The following MMP16 variants were observed in gnomAD, a reference collection of about 807,000 sequenced individuals.
The protein encoded by MMP16 is matrix metalloproteinase-16.
In MMP16, 12 loss-of-function variants were observed where a neutral mutation model predicts 67.8. The observed-to-expected ratio is 0.18, with a 90% confidence interval of 0.11 to 0.29. MMP16 has a LOEUF of 0.29. MMP16 is among the 10% of genes least tolerant of loss of function. The pLI is 1.00. For synonymous variants in MMP16, 249 were observed against 255.9 expected, an observed-to-expected ratio of 0.97 and a Z score of 0.26; for missense variants, 475 against 765.7, an observed-to-expected ratio of 0.62 and a Z score of 4.48.
chr8:88,088,434 T>G (rs888607725), intron 6 of MMP16, among the ~76,000 whole-genome samples: 5 of 151,858 alleles, frequency 3.3e-5, no homozygotes, highest in African/African-American at 1.2e-4. Context: ...TGTCAACAAA[T>G]TAAGTGTTTG....
At chr8:88,125,709 A>T (rs1054557189) in intron 4 of MMP16, among the ~76,000 whole-genome samples, 2 of 151,942 alleles carry the variant, frequency 1.3e-5, no homozygotes, top group African/African-American at 4.8e-5. Flanking sequence ...GCAAGATTGG[A>T]TATAGTTAAT....
intron 1 of MMP16, among the ~76,000 whole-genome samples, chr8:88,274,628 C>T (rs1810616386): frequency 6.6e-6 from 1 of 151,816 alleles, no homozygotes; most frequent in Non-Finnish European, 1.5e-5. Context: ...AAAGAGATTC[C>T]AACAAATGCA....
intron 1 of MMP16, among the ~76,000 whole-genome samples, chr8:88,232,035 A>G (rs1262505326): frequency 6.6e-6 from 1 of 152,144 alleles, no homozygotes; most frequent in East Asian, 1.9e-4. Context: ...ACATTGAACC[A>G]TAAAGAGAAG....
intron 6 of MMP16, among the ~76,000 whole-genome samples, chr8:88,084,465 A>T (rs1342509975): frequency 6.6e-6 from 1 of 151,668 alleles, no homozygotes; most frequent in African/African-American, 2.4e-5. Context: ...AAGAAAAAGG[A>T]GGAAAAAAAA....
rs762999173 is a variant in MMP16 at position 88,032,416 on chromosome 8, G to A, written c.*9045C>T. ...GCATGACCCCTTGACCTTTAATGAC[G>A]CAACATTATAAGGAGTTAAAAGAGA... On this transcript the variant is annotated 3_prime_UTR_variant, in exon 10 of 10. Coordinates refer to ENST00000286614, the MANE Select transcript of MMP16 (RefSeq NM_005941.5). 6.6e-6 allele frequency: 1 copy of A among 152,056 alleles called. No individual in the cohort carries two copies. The highest frequency in any genetic ancestry group is 1.5e-5 in the Non-Finnish European group (1 of 68,010). The allele number at this position is 152,056 out of a possible 1,614,324, so 9.4% of individuals were successfully genotyped here. A position where few individuals can be genotyped will look rare whatever the true frequency, so the allele number is the denominator to read the frequency against.
intron 6 of MMP16, among the ~76,000 whole-genome samples, chr8:88,101,428 A>T (rs28679683): frequency 0.2 from 29,668 of 151,906 alleles, 3,429 homozygotes; most frequent in Non-Finnish European, 0.27. Context: ...CTGCTTGGAA[A>T]AGGCTATCTC....
intron 4 of MMP16, among the ~76,000 whole-genome samples, chr8:88,140,661 A>C (rs1008930283): frequency 6.6e-6 from 1 of 152,184 alleles, no homozygotes; most frequent in Non-Finnish European, 1.5e-5. Context: ...TTGAATATAT[A>C]ACTAAGTTCT....
At chr8:88,048,851 A>T (rs74854392) in intron 8 of MMP16, among the ~76,000 whole-genome samples, 10,334 of 152,292 alleles carry the variant, frequency 0.068, 472 homozygotes, top group African/African-American at 0.13. Flanking sequence ...TTAGAAAAAA[A>T]TAAGTATTTT....
intron 1 of MMP16, among the ~76,000 whole-genome samples, chr8:88,251,247 A>G (rs968633237): frequency 3.3e-5 from 5 of 151,948 alleles, no homozygotes; most frequent in Non-Finnish European, 7.4e-5. Context: ...AAACTATACT[A>G]CAAGGCTACA....
chr8:88,327,046 G>A, intron 1 of MMP16, 29 bp downstream of exon 1: 1 of 1,612,928 alleles, frequency 6.2e-7, no homozygotes, highest in South Asian at 1.1e-5. Flanking sequence ...CAGGCAGCGG[G>A]GGGAGGAAGA....
At chr8:88,065,256 A>C (rs1169463241) in intron 7 of MMP16, among the ~76,000 whole-genome samples, 1 of 152,126 alleles carries the variant, frequency 6.6e-6, no homozygotes, top group Non-Finnish European at 1.5e-5. Context: ...AGGGCACAAC[A>C]AACAAAGTGA....
chr8:88,244,213 CT>C (rs1392907020), intron 1 of MMP16, among the ~76,000 whole-genome samples: 1 of 152,082 alleles, frequency 6.6e-6, no homozygotes, highest in African/African-American at 2.4e-5. Flanking sequence ...GGCCGACTTA[CT>C]TTTCTGTGTT....
intron 1 of MMP16, among the ~76,000 whole-genome samples, chr8:88,306,765 T>C (rs1392497108): frequency 6.6e-6 from 1 of 152,040 alleles, no homozygotes. Flanking sequence ...AACTAGGTAT[T>C]GAAGAAATAC....
intron 1 of MMP16, among the ~76,000 whole-genome samples, chr8:88,241,375 G>A (rs1018272775): frequency 6.6e-6 from 1 of 151,932 alleles, no homozygotes; most frequent in African/African-American, 2.4e-5. Context: ...AAATATGCAT[G>A]GAAGTTTTTT....
At chr8:88,241,070 A>AGTTTT (rs1355116676) in intron 1 of MMP16, among the ~76,000 whole-genome samples, 1 of 151,106 alleles carries the variant, frequency 6.6e-6, no homozygotes, top group Non-Finnish European at 1.5e-5. Context: ...ATCTGGACTA[A>AGTTTT]GTTTTGTTTT....
intron 1 of MMP16, among the ~76,000 whole-genome samples, chr8:88,296,914 C>G (rs979859999): frequency 3.3e-5 from 5 of 149,584 alleles, no homozygotes; most frequent in Admixed American, 6.7e-5. Flanking sequence ...AAGTGGAACT[C>G]TATCTGAAAA....
At chr8:88,046,807 C>A in intron 8 of MMP16, 23 bp from the exon 9 acceptor site, 2 of 1,426,822 alleles carry the variant, frequency 1.4e-6, no homozygotes, top group Admixed American at 2.0e-5. Context: ...AAAACAACAA[C>A]AACAAACACA....
intron 1 of MMP16, among the ~76,000 whole-genome samples, chr8:88,227,388 G>A (rs541109434): frequency 4.6e-5 from 7 of 152,116 alleles, no homozygotes; most frequent in Middle Eastern, 3.4e-3. Flanking sequence ...CACAGAAATA[G>A]TTCAGATTTC....
At chr8:88,186,321 A>C in intron 3 of MMP16, 155 bp downstream of exon 3, 1 of 903,862 alleles carries the variant, frequency 1.1e-6, no homozygotes, top group Non-Finnish European at 1.6e-6. Context: ...TGAACAATTT[A>C]CTCTCCTCTC....
Sources: gnomAD v4.1 joint callset for allele counts (sites outside exome capture counted in the v4.1 genomes callset) on GRCh38, gnomAD v4.1.1 for gene constraint, MANE v1.5 for transcripts, NCBI Gene and HGNC (gene_info 2026-07-23, HGNC 2026-07-21) for gene names.